The following PDE1C variants were observed in gnomAD, a reference collection of about 807,000 sequenced individuals.
PDE1C encodes the protein phosphodiesterase 1C, also known as dual specificity calcium/calmodulin-dependent 3',5'-cyclic nucleotide phosphodiesterase 1C.
In PDE1C, 62 loss-of-function variants were observed where a neutral mutation model predicts 93.1. The ratio of observed to expected loss-of-function variants is 0.67; its 90% CI spans 0.54 to 0.82. The LOEUF (loss-of-function observed/expected upper bound fraction) is 0.82. Ranked by LOEUF, PDE1C falls within the 40% of genes least tolerant of loss-of-function variation. The pLI is 0.00. For missense variants in PDE1C, 742 were observed against 884.6 expected, an observed-to-expected ratio of 0.84 and a Z score of 2.04; for synonymous variants, 325 against 310.1, an observed-to-expected ratio of 1.05 and a Z score of -0.50.
intron 2 of PDE1C, among the ~76,000 whole-genome samples, chr7:32,184,015 G>T (rs1325536926): frequency 6.6e-6 from 1 of 152,176 alleles, no homozygotes; most frequent in African/African-American, 2.4e-5. Flanking sequence ...CTCAATAGAA[G>T]ACATTTATGC....
At chr7:32,287,043 A>T (rs946920546) in intron 1 of PDE1C, among the ~76,000 whole-genome samples, 10 of 152,208 alleles carry the variant, frequency 6.6e-5, no homozygotes, top group Non-Finnish European at 1.2e-4. Context: ...GCCCAGATAG[A>T]GAGGAAGAAT....
At chr7:32,137,395 C>T (rs1161333184) in intron 3 of PDE1C, among the ~76,000 whole-genome samples, 8 of 152,212 alleles carry the variant, frequency 5.3e-5, no homozygotes, top group Admixed American at 3.9e-4. Flanking sequence ...CTAGGCAACA[C>T]AATGAAACCA....
At chr7:31,905,904 T>C (rs1800533651) in intron 2 of PDE1C, among the ~76,000 whole-genome samples, 1 of 152,118 alleles carries the variant, frequency 6.6e-6, no homozygotes, top group Admixed American at 6.6e-5. Context: ...ACGGGACTTT[T>C]CCCCCTCTTG....
At chr7:31,781,196 G>T (rs1314570474) in intron 16 of PDE1C, among the ~76,000 whole-genome samples, 3 of 152,208 alleles carry the variant, frequency 2.0e-5, no homozygotes, top group African/African-American at 7.2e-5. Flanking sequence ...AAAGCACAGT[G>T]ATTTGCAGCT....
chr7:32,294,624 G>T (rs1812526161), intron 1 of PDE1C, among the ~76,000 whole-genome samples: 1 of 152,308 alleles, frequency 6.6e-6, no homozygotes, highest in Non-Finnish European at 1.5e-5. Flanking sequence ...TGAGGGGGAG[G>T]TGTTTGTTTG....
chr7:31,859,294 C>T (rs1794399791), intron 7 of PDE1C, among the ~76,000 whole-genome samples: 1 of 149,434 alleles, frequency 6.7e-6, no homozygotes, highest in African/African-American at 2.4e-5. Context: ...CTGTTTGTTT[C>T]AATAAATCCC....
chr7:32,340,294 G>A (rs143868848), intron 1 of PDE1C, among the ~76,000 whole-genome samples: 7 of 152,128 alleles, frequency 4.6e-5, no homozygotes, highest in Admixed American at 6.5e-5. Flanking sequence ...AATATTGATC[G>A]GATCACCTAC....
At chr7:31,836,186 G>A (rs1198630426) in intron 11 of PDE1C, among the ~76,000 whole-genome samples, 3 of 152,118 alleles carry the variant, frequency 2.0e-5, no homozygotes, top group Non-Finnish European at 1.5e-5. Context: ...ATGTTTGAAT[G>A]GCAGCACCTC....
chr7:32,111,293 A>G (rs1156398407), intron 3 of PDE1C, among the ~76,000 whole-genome samples: 1 of 152,236 alleles, frequency 6.6e-6, no homozygotes, highest in Admixed American at 6.5e-5. Context: ...AGTGATGATA[A>G]GAATCTGTTT....
rs1175562115 is a variant in PDE1C at position 32,327,123 on chromosome 7, T to TTGGCTGTAC, written c.310+100690_310+100698dup. On this transcript the variant is annotated intron_variant, in intron 1 of 1. Coordinates refer to the PDE1C transcript ENST00000672256. ...CTCCGTAATCCATTAATAACCTCCA[T>TTGGCTGTAC]TGGCTGTACTGCCAAAATCTGACAA... Among the ~76,000 whole-genome samples, 3 of 152,222 alleles carry TTGGCTGTAC rather than the reference T, an allele frequency of 2.0e-5. No individual in the cohort carries two copies. The East Asian group carries it at 5.8e-4, about 29-fold the overall frequency.
At chr7:32,293,574 T>C (rs915304880) in intron 1 of PDE1C, among the ~76,000 whole-genome samples, 2 of 152,136 alleles carry the variant, frequency 1.3e-5, no homozygotes, top group African/African-American at 4.8e-5. Flanking sequence ...AACCTAAGGA[T>C]CTTACTCCCC....
intron 3 of PDE1C, among the ~76,000 whole-genome samples, chr7:32,120,254 C>A (rs940444000): frequency 1.7e-4 from 26 of 152,200 alleles, no homozygotes; most frequent in African/African-American, 6.3e-4. Context: ...GGGCCTGAGC[C>A]CCTAGGGGGA....
the PDE1C span, among the ~76,000 whole-genome samples, chr7:31,731,473 C>G: frequency 1.3e-5 from 2 of 152,236 alleles, no homozygotes; most frequent in East Asian, 3.9e-4. Flanking sequence ...TCACTGCAAC[C>G]TCCGCCTCCC....
At chr7:31,853,194 T>C (rs1327606468) in intron 7 of PDE1C, among the ~76,000 whole-genome samples, 1 of 152,126 alleles carries the variant, frequency 6.6e-6, no homozygotes, top group Non-Finnish European at 1.5e-5. Flanking sequence ...CCAAAAACAA[T>C]GAATGGTTAA....
chr7:31,997,129 T>C (rs1227769075), intron 2 of PDE1C, among the ~76,000 whole-genome samples: 1 of 152,224 alleles, frequency 6.6e-6, no homozygotes, highest in Admixed American at 6.5e-5. Flanking sequence ...CAGTGCTTCA[T>C]GAAGCAAGTT....
chr7:32,075,982 A>G (rs1334736097), upstream of PDE1C, among the ~76,000 whole-genome samples: 1 of 152,110 alleles, frequency 6.6e-6, no homozygotes, highest in Non-Finnish European at 1.5e-5. Flanking sequence ...ATCCCTTTCC[A>G]ATGCTCACAT....
chr7:32,221,572 T>C (rs2128854561), intron 1 of PDE1C, among the ~76,000 whole-genome samples: 1 of 152,336 alleles, frequency 6.6e-6, no homozygotes, highest in South Asian at 2.1e-4. Context: ...GTGATGGCTC[T>C]GGTCCAGGTA....
the PDE1C span, among the ~76,000 whole-genome samples, chr7:31,704,006 C>A: frequency 2.0e-5 from 3 of 152,104 alleles, no homozygotes; most frequent in African/African-American, 7.2e-5. Flanking sequence ...TCTGGGTAAC[C>A]AAGGCCTGCT....
At chr7:32,071,456 C>T, upstream of PDE1C, 1 of 980,526 alleles carries the variant, frequency 1.0e-6, no homozygotes, top group Non-Finnish European at 1.2e-6. Context: ...CTCTCGCTCG[C>T]GCTCTCTCTC....
Sources: gnomAD v4.1 joint callset for allele counts (sites outside exome capture counted in the v4.1 genomes callset) on GRCh38, gnomAD v4.1.1 for gene constraint, MANE v1.5 for transcripts, NCBI Gene and HGNC (gene_info 2026-07-23, HGNC 2026-07-21) for gene names.